The following NEO1 variants were observed in gnomAD, a reference collection of about 807,000 sequenced individuals.
NEO1 encodes the protein neogenin.
NEO1 carries 63 observed loss-of-function variants against 159.7 expected under a neutral mutation model. That is an observed-to-expected ratio of 0.39 (90% confidence interval 0.32 to 0.49). NEO1 has a LOEUF of 0.49. Among genes scored for constraint, NEO1 ranks in the 20% least tolerant of loss-of-function variants. The probability of loss-of-function intolerance (pLI) is 0.85; values close to 1 mark genes in which losing one functional copy is unlikely to be tolerated. For missense variants in NEO1, 1,615 were observed against 1,831.0 expected (o/e 0.88, Z 2.15); for synonymous variants, 633 against 662.0 (o/e 0.96, Z 0.67).
chr15:73,130,680 C>T (rs530840965), intron 4 of NEO1, among the ~76,000 whole-genome samples: 8 of 152,136 alleles, frequency 5.3e-5, no homozygotes, highest in South Asian at 2.1e-4. Context: ...TTATCCTAGC[C>T]AGGCAGTAAT....
intron 1 of NEO1, among the ~76,000 whole-genome samples, chr15:73,069,125 A>ATTTTT (rs962027800): frequency 2.8e-5 from 3 of 105,408 alleles, no homozygotes; most frequent in East Asian, 2.5e-4. Context: ...TAATTTTTGT[A>ATTTTT]TTTTTTTTTT....
chr15:73,184,104 G>C (rs1274121215), intron 7 of NEO1, among the ~76,000 whole-genome samples: 1 of 152,052 alleles, frequency 6.6e-6, no homozygotes, highest in Non-Finnish European at 1.5e-5. Flanking sequence ...GATGTTCTTA[G>C]AAAATATACC....
chr15:73,199,622 A>T (rs1285963008), intron 7 of NEO1, among the ~76,000 whole-genome samples: 2 of 152,184 alleles, frequency 1.3e-5, no homozygotes, highest in Non-Finnish European at 2.9e-5. Flanking sequence ...TTTTGGTATT[A>T]GGATAATGTT....
At chr15:73,183,255 T>C (rs989068505) in intron 7 of NEO1, among the ~76,000 whole-genome samples, 6 of 152,064 alleles carry the variant, frequency 3.9e-5, no homozygotes, top group African/African-American at 1.4e-4. Context: ...GACAAAGGCC[T>C]TCCCATTTAC....
intron 1 of NEO1, among the ~76,000 whole-genome samples, chr15:73,054,363 G>A (rs2067604122): frequency 6.6e-6 from 1 of 152,156 alleles, no homozygotes; most frequent in African/African-American, 2.4e-5. Flanking sequence ...CTCAGGAAGT[G>A]GTCTTAACAT....
chr15:73,062,641 T>C (rs1347832294), intron 1 of NEO1, among the ~76,000 whole-genome samples: 7 of 152,242 alleles, frequency 4.6e-5, no homozygotes, highest in Admixed American at 3.3e-4. Context: ...TATTACCTCT[T>C]TTAAGACAGA....
intron 5 of NEO1, among the ~76,000 whole-genome samples, chr15:73,161,048 C>T (rs2034136270): frequency 6.6e-6 from 1 of 152,074 alleles, no homozygotes; most frequent in African/African-American, 2.4e-5. Context: ...CAGGAAATTC[C>T]AAGAGATTTA....
intron 10 of NEO1, 123 bp downstream of exon 10, chr15:73,249,331 G>A (rs574994734): frequency 8.6e-7 from 1 of 1,166,950 alleles, no homozygotes; most frequent in African/African-American, 1.5e-5. Flanking sequence ...GAAATGAAAA[G>A]TTGACAGATT....
At chr15:73,238,982 G>C (rs1173969439) in intron 8 of NEO1, among the ~76,000 whole-genome samples, 1 of 151,994 alleles carries the variant, frequency 6.6e-6, no homozygotes, top group African/African-American at 2.4e-5. Context: ...CCAAGTAGCT[G>C]GAATTACAGG....
Position 73,302,786 on chromosome 15 carries a change from A to G in NEO1, c.*90A>G. ...AAGGAATTGTACAGAGTACGAGAGG[A>G]CAGCACTTGAGAACACAGAATGAGC... On this transcript the variant is annotated 3_prime_UTR_variant, in exon 29 of 29. Transcript: ENST00000261908. The G allele has an allele frequency of 2.5e-6, 3 of 1,215,338 alleles. No homozygotes were observed. The highest frequency in any genetic ancestry group is 3.6e-6 in the Non-Finnish European group (3 of 842,302). 75.3% of individuals were successfully genotyped at this position (1,215,338 alleles called of 1,614,324 possible). A position where few individuals can be genotyped will look rare whatever the true frequency, so the allele number is the denominator to read the frequency against.
intron 5 of NEO1, among the ~76,000 whole-genome samples, chr15:73,147,852 C>T (rs189357097): frequency 9.4e-4 from 141 of 149,404 alleles, no homozygotes; most frequent in East Asian, 9.8e-4. Context: ...CTCACTATGT[C>T]GCCCAGGCTG....
chr15:73,107,661 G>A (rs969012934), intron 1 of NEO1, among the ~76,000 whole-genome samples: 1 of 152,162 alleles, frequency 6.6e-6, no homozygotes, highest in African/African-American at 2.4e-5. Flanking sequence ...GAATATTACA[G>A]TGTAAAACAA....
rs536348738 is a variant in NEO1 at position 73,213,172 on chromosome 15, C to T, written c.1292-23175C>T. 6.6e-5 allele frequency among the ~76,000 whole-genome samples: 10 copies of T among 152,278 alleles called. 1 individual carries two copies. In the South Asian group the frequency reaches 2.1e-3, roughly 32 times the overall value. ...ACCTACAGCAGTAGTTGAGCAACCA[C>T]TGGAGGTTTTCAGGCATGGGCTCTT... is the stretch of plus-strand genomic sequence containing the variant. On this transcript the variant is annotated intron_variant, in intron 7 of 28. Transcript: ENST00000261908.
chr15:73,194,886 C>T (rs1423650744), intron 7 of NEO1, among the ~76,000 whole-genome samples: 1 of 152,102 alleles, frequency 6.6e-6, no homozygotes, highest in African/African-American at 2.4e-5. Context: ...AGGATATGAT[C>T]TTTGTTCTAC....
chr15:73,167,984 G>A (rs1247651879), intron 5 of NEO1, among the ~76,000 whole-genome samples: 2 of 152,058 alleles, frequency 1.3e-5, no homozygotes, highest in Non-Finnish European at 2.9e-5. Flanking sequence ...AGACACTCAA[G>A]AGTGGACTTA....
intron 7 of NEO1, among the ~76,000 whole-genome samples, chr15:73,179,776 T>A (rs1321758762): frequency 1.3e-5 from 2 of 152,128 alleles, no homozygotes; most frequent in Admixed American, 1.3e-4. Context: ...GTTTTATAAT[T>A]TCCTGTTTTG....
chr15:73,090,653 C>T (rs2069636030), intron 1 of NEO1, among the ~76,000 whole-genome samples: 1 of 152,148 alleles, frequency 6.6e-6, no homozygotes. Flanking sequence ...GTATTATACT[C>T]TGTCCTGTAT....
intron 5 of NEO1, among the ~76,000 whole-genome samples, chr15:73,156,708 A>G (rs1400116132): frequency 2.0e-5 from 3 of 152,214 alleles, no homozygotes; most frequent in Non-Finnish European, 2.9e-5. Context: ...TTCTGAGGAC[A>G]AGTGCTTGCA....
At chr15:73,203,931 C>A (rs2037059718) in intron 7 of NEO1, among the ~76,000 whole-genome samples, 1 of 152,052 alleles carries the variant, frequency 6.6e-6, no homozygotes, top group Admixed American at 6.5e-5. Flanking sequence ...AGCACTCTTT[C>A]TTTCTTTGTA....
Sources: gnomAD v4.1 joint callset for allele counts (sites outside exome capture counted in the v4.1 genomes callset) on GRCh38, gnomAD v4.1.1 for gene constraint, MANE v1.5 for transcripts, NCBI Gene and HGNC (gene_info 2026-07-23, HGNC 2026-07-21) for gene names.